ZDHHC14: variants seen among roughly 807,000 people sequenced by gnomAD.
The protein encoded by ZDHHC14 is palmitoyltransferase ZDHHC14.
A neutral mutation model predicts 47.7 loss-of-function variants in ZDHHC14; 16 were observed. That is an observed-to-expected ratio of 0.34 (90% CI 0.23 to 0.51). The LOEUF (loss-of-function observed/expected upper bound fraction) is 0.51, where lower values mean the gene tolerates loss of function less well. ZDHHC14 is among the 20% of genes least tolerant of loss of function. The probability of loss-of-function intolerance (pLI) is 0.97; values close to 1 mark genes in which losing one functional copy is unlikely to be tolerated. For missense variants in ZDHHC14, 515 were observed against 662.5 expected (o/e 0.78, Z 2.44); for synonymous variants, 293 against 278.9 (o/e 1.05, Z -0.50).
intron 3 of ZDHHC14, among the ~76,000 whole-genome samples, chr6:157,620,171 A>G (rs1785130659): frequency 6.6e-6 from 1 of 152,168 alleles, no homozygotes; most frequent in African/African-American, 2.4e-5. Flanking sequence ...TGGAGGCTGG[A>G]AAGTCCAAGA....
intron 1 of ZDHHC14, among the ~76,000 whole-genome samples, chr6:157,490,429 G>C (rs930221181): frequency 6.6e-6 from 1 of 152,234 alleles, no homozygotes; most frequent in East Asian, 1.9e-4. Context: ...AAGAAGCGCA[G>C]ATGTGATCCT....
At chr6:157,446,816 A>C (rs1180526293) in intron 1 of ZDHHC14, among the ~76,000 whole-genome samples, 1 of 152,228 alleles carries the variant, frequency 6.6e-6, no homozygotes, top group Non-Finnish European at 1.5e-5. Context: ...GTATATACAC[A>C]CATGGATATG....
intron 2 of ZDHHC14, among the ~76,000 whole-genome samples, chr6:157,581,339 TTGTG>T (rs1253188468): frequency 6.6e-6 from 1 of 151,928 alleles, no homozygotes; most frequent in Admixed American, 6.6e-5. Context: ...TTATGTCTGA[TTGTG>T]TGGTCAATTT....
At chr6:157,421,900 G>A (rs149912402) in intron 1 of ZDHHC14, among the ~76,000 whole-genome samples, 2,526 of 152,200 alleles carry the variant, frequency 0.017, 30 homozygotes, top group Non-Finnish European at 0.025. Flanking sequence ...GAGCCACCGC[G>A]CCCGGCCTGG....
chr6:157,391,947 G>T (rs1000027361), intron 1 of ZDHHC14, among the ~76,000 whole-genome samples: 1 of 152,174 alleles, frequency 6.6e-6, no homozygotes, highest in African/African-American at 2.4e-5. Flanking sequence ...GATTTGATTT[G>T]TGTAAATATG....
chr6:157,432,647 T>C (rs537783335), intron 1 of ZDHHC14, among the ~76,000 whole-genome samples: 1 of 152,334 alleles, frequency 6.6e-6, no homozygotes, highest in South Asian at 2.1e-4. Context: ...CGTGAGAGAA[T>C]GAATGGTGTT....
At chr6:157,504,449 ATTTT>A (rs35677570) in intron 1 of ZDHHC14, among the ~76,000 whole-genome samples, 1 of 96,494 alleles carries the variant, frequency 1.0e-5, no homozygotes, top group Admixed American at 1.2e-4. Flanking sequence ...CACCCAGCCT[ATTTT>A]TTTTTTTTTT....
intron 1 of ZDHHC14, among the ~76,000 whole-genome samples, chr6:157,415,659 G>A (rs1223336990): frequency 6.6e-6 from 1 of 152,108 alleles, no homozygotes; most frequent in Non-Finnish European, 1.5e-5. Context: ...CGGATCACTT[G>A]AGGTCAGGAG....
At chr6:157,514,905 A>T (rs1034035687) in intron 1 of ZDHHC14, among the ~76,000 whole-genome samples, 1 of 152,206 alleles carries the variant, frequency 6.6e-6, no homozygotes, top group African/African-American at 2.4e-5. Context: ...AAAGTATAAC[A>T]TCTGGTTCTC....
At chr6:157,538,554 A>G (rs575152245) in intron 1 of ZDHHC14, among the ~76,000 whole-genome samples, 2 of 152,214 alleles carry the variant, frequency 1.3e-5, no homozygotes, top group African/African-American at 2.4e-5. Context: ...CATGCGAGGC[A>G]TCCTGCTAGG....
chr6:157,642,238 C>G (rs1481671193), intron 5 of ZDHHC14, among the ~76,000 whole-genome samples: 2 of 152,194 alleles, frequency 1.3e-5, no homozygotes, highest in African/African-American at 2.4e-5. Flanking sequence ...TTGTGATCCT[C>G]CAAATACTGA....
chr6:157,462,771 A>C (rs1779121874), intron 1 of ZDHHC14, among the ~76,000 whole-genome samples: 1 of 152,232 alleles, frequency 6.6e-6, no homozygotes, highest in Admixed American at 6.5e-5. Context: ...TGCCCAGCCC[A>C]GTGCCCCCCA....
At chr6:157,569,206 C>T (rs1783013455) in intron 2 of ZDHHC14, among the ~76,000 whole-genome samples, 1 of 151,998 alleles carries the variant, frequency 6.6e-6, no homozygotes, top group Non-Finnish European at 1.5e-5. Flanking sequence ...CCTTTCCCTA[C>T]TCCACTCCTC....
intron 8 of ZDHHC14, among the ~76,000 whole-genome samples, chr6:157,664,262 T>C (rs1424873859): frequency 6.6e-6 from 1 of 152,252 alleles, no homozygotes; most frequent in African/African-American, 2.4e-5. Flanking sequence ...TTCATCCAGA[T>C]AATTTTTCAT....
chr6:157,581,917 A>C (rs929429064), intron 2 of ZDHHC14, among the ~76,000 whole-genome samples: 1 of 151,992 alleles, frequency 6.6e-6, no homozygotes, highest in South Asian at 2.1e-4. Flanking sequence ...TTCTTTTTAA[A>C]CAGGGTCTTG....
At chr6:157,635,692 G>A (rs1181412680) in intron 5 of ZDHHC14, among the ~76,000 whole-genome samples, 1 of 152,156 alleles carries the variant, frequency 6.6e-6, no homozygotes, top group East Asian at 1.9e-4. Context: ...GCAGAACCAG[G>A]AACACGGCAT....
chr6:157,563,522 T>C (rs1782790358), intron 2 of ZDHHC14, among the ~76,000 whole-genome samples: 1 of 152,152 alleles, frequency 6.6e-6, no homozygotes, highest in Admixed American at 6.5e-5. Context: ...AGGTGGTGCT[T>C]ATTAGAGAGA....
Position 157,389,915 on chromosome 6 carries a change from G to A in ZDHHC14, c.245+7649G>A, listed in dbSNP as rs533026213. ...CATATTTTAAAACACATATACACAC[G>A]TATAAGATATAAAACATATATATGT... On this transcript the variant is annotated intron_variant, in intron 1 of 8. Coordinates refer to ENST00000359775, the MANE Select transcript of ZDHHC14 (RefSeq NM_024630.3). Among the ~76,000 whole-genome samples, 143 of 151,800 alleles carry A rather than the reference G, an allele frequency of 9.4e-4. 1 individual carries two copies. The highest frequency in any genetic ancestry group is 3.4e-3 in the Middle Eastern group (1 of 292).
At chr6:157,594,874 T>C (rs1784060410) in intron 3 of ZDHHC14, among the ~76,000 whole-genome samples, 1 of 152,198 alleles carries the variant, frequency 6.6e-6, no homozygotes, top group Non-Finnish European at 1.5e-5. Flanking sequence ...GGGAACCGTC[T>C]ACCTGTAGGA....
Sources: gnomAD v4.1 joint callset for allele counts (sites outside exome capture counted in the v4.1 genomes callset) on GRCh38, gnomAD v4.1.1 for gene constraint, MANE v1.5 for transcripts, NCBI Gene and HGNC (gene_info 2026-07-23, HGNC 2026-07-21) for gene names.